ENOX1: variants seen among roughly 807,000 people sequenced by gnomAD.
ENOX1 encodes the protein candidate growth-related and time keeping constitutive hydroquinone (NADH) oxidase.
ENOX1 carries 42 observed loss-of-function variants against 82.5 expected under a neutral mutation model. That is an observed-to-expected ratio of 0.51 (90% confidence interval 0.40 to 0.66). ENOX1 has a LOEUF of 0.66. ENOX1 is among the 30% of genes least tolerant of loss of function. The probability of loss-of-function intolerance (pLI) is 0.00; values close to 1 mark genes in which losing one functional copy is unlikely to be tolerated. For missense variants in ENOX1, 608 were observed against 811.6 expected (o/e 0.75, Z 3.05); for synonymous variants, 271 against 282.2 (o/e 0.96, Z 0.40).
At chr13:43,364,612 T>C (rs2050731988) in intron 5 of ENOX1, among the ~76,000 whole-genome samples, 1 of 152,246 alleles carries the variant, frequency 6.6e-6, no homozygotes, top group Non-Finnish European at 1.5e-5. Context: ...TGGATGAGCA[T>C]TTTTCAGAAG....
rs1299222000 is a variant in ENOX1 at position 43,412,857 on chromosome 13, T to C, written c.58A>G (p.Met20Val). 1 of 1,614,112 alleles carries C rather than the reference T, an allele frequency of 6.2e-7. No homozygotes were observed. ...ITQLPQELPQ[M>V]MAAAADGLGS... ...CACTGGCATTTACCTGCAGCCATCA[T>C]CTGAGGAAGCTCCTGGGGAAGCTGG... Residue 20 changes from methionine (M) to valine (V), a missense_variant, in exon 4 of 17, where the codon ATG (methionine) becomes GTG (valine). Transcript: ENST00000690772.
chr13:43,300,867 T>A (rs764889659), intron 11 of ENOX1, among the ~76,000 whole-genome samples: 3 of 148,254 alleles, frequency 2.0e-5, no homozygotes, highest in Non-Finnish European at 2.9e-5. Context: ...TTTTACAGTT[T>A]TCAGAGACCT....
At chr13:43,474,023 T>C (rs917805905) in intron 3 of ENOX1, among the ~76,000 whole-genome samples, 1 of 152,140 alleles carries the variant, frequency 6.6e-6, no homozygotes, top group Non-Finnish European at 1.5e-5. Context: ...GTCAAAAAAG[T>C]ATATTAGGAC....
intron 11 of ENOX1, among the ~76,000 whole-genome samples, chr13:43,302,987 T>C (rs2046665834): frequency 2.0e-5 from 3 of 152,352 alleles, no homozygotes; most frequent in African/African-American, 7.2e-5. Flanking sequence ...TTTCTAACAA[T>C]ATCTGTGTTT....
intron 5 of ENOX1, among the ~76,000 whole-genome samples, chr13:43,405,073 T>C (rs1013564043): frequency 6.7e-6 from 1 of 148,866 alleles, no homozygotes; most frequent in African/African-American, 2.6e-5. Flanking sequence ...GGTATAAGTA[T>C]GATTTTCATT....
At chr13:43,217,788 T>C (rs969530103) in intron 16 of ENOX1, among the ~76,000 whole-genome samples, 2 of 152,200 alleles carry the variant, frequency 1.3e-5, no homozygotes, top group African/African-American at 4.8e-5. Flanking sequence ...AGGACTTGGT[T>C]TGTGTGCTGG....
chr13:43,722,315 T>G (rs1042363285), intron 1 of ENOX1, among the ~76,000 whole-genome samples: 17 of 152,202 alleles, frequency 1.1e-4, no homozygotes, highest in Admixed American at 3.9e-4. Flanking sequence ...AGAGAGGATC[T>G]AAGAGGAATA....
chr13:43,500,822 G>A (rs1223847240), intron 2 of ENOX1, among the ~76,000 whole-genome samples: 1 of 151,786 alleles, frequency 6.6e-6, no homozygotes, highest in East Asian at 1.9e-4. Flanking sequence ...CAATAACTGT[G>A]TAATAAACAT....
At chr13:43,591,085 T>G (rs907178083) in intron 2 of ENOX1, among the ~76,000 whole-genome samples, 1 of 152,220 alleles carries the variant, frequency 6.6e-6, no homozygotes, top group Non-Finnish European at 1.5e-5. Flanking sequence ...TAGCACTGTA[T>G]TTGAAGATAC....
chr13:43,234,782 A>G (rs1037676290), intron 15 of ENOX1, among the ~76,000 whole-genome samples: 1 of 152,248 alleles, frequency 6.6e-6, no homozygotes, highest in Admixed American at 6.5e-5. Flanking sequence ...CACATCATTT[A>G]AAAATATTTG....
intron 2 of ENOX1, among the ~76,000 whole-genome samples, chr13:43,616,665 T>A (rs1270973517): frequency 1.3e-5 from 2 of 152,114 alleles, no homozygotes; most frequent in Non-Finnish European, 1.5e-5. Context: ...GGTTCATATC[T>A]TACTCTTCTT....
intron 3 of ENOX1, among the ~76,000 whole-genome samples, chr13:43,430,193 A>G (rs2153613132): frequency 6.6e-6 from 1 of 152,340 alleles, no homozygotes; most frequent in East Asian, 1.9e-4. Context: ...AAGAAGTGTG[A>G]GAACTAGGAT....
chr13:43,776,248 T>C (rs141133829), intron 1 of ENOX1, among the ~76,000 whole-genome samples: 35 of 152,088 alleles, frequency 2.3e-4, no homozygotes, highest in Middle Eastern at 3.4e-3. Context: ...TGTTAGCAAA[T>C]GAGGGTTTGA....
chr13:43,745,024 T>C (rs1471484372), intron 1 of ENOX1, among the ~76,000 whole-genome samples: 1 of 152,222 alleles, frequency 6.6e-6, no homozygotes, highest in East Asian at 1.9e-4. Context: ...ATGATGATCA[T>C]TTATTTATTG....
Position 43,326,440 on chromosome 13 carries a change from G to T in ENOX1, c.1122C>A (p.Asp374Glu). 1.2e-6 allele frequency: 2 copies of T among 1,614,110 alleles called. No individual in the cohort carries two copies. Among genetic ancestry groups the T allele is most frequent in the Non-Finnish European group, 1.7e-6 (2 of 1,179,954 alleles). Residue 374 changes from aspartate to glutamate, a missense_variant, in exon 10 of 17, where the codon GAC (aspartate) becomes GAA (glutamate). By Grantham distance (45) the Asp-to-Glu change is conservative (BLOSUM62 2). Transcript: ENST00000690772. ...HFSKAQRKNI[D>E]IWRKHSEELR... is the part of the protein sequence containing the mutation. ...CAACCTCAGAATGCTTTCGCCAAAT[G>T]TCTATGTTCTTGCGCTGGGCTTTCG...
chr13:43,505,553 C>A (rs2077124303), intron 2 of ENOX1, among the ~76,000 whole-genome samples: 1 of 151,980 alleles, frequency 6.6e-6, no homozygotes, highest in Admixed American at 6.6e-5. Context: ...ACAAAAATAA[C>A]CCTTGAGAAG....
chr13:43,333,874 C>T (rs1047404638), intron 9 of ENOX1, among the ~76,000 whole-genome samples: 3 of 152,240 alleles, frequency 2.0e-5, no homozygotes, highest in African/African-American at 7.2e-5. Context: ...TCACCCGCCT[C>T]GGCCTCGCAA....
chr13:43,342,556 C>A (rs1176868239), intron 9 of ENOX1, among the ~76,000 whole-genome samples: 1 of 152,118 alleles, frequency 6.6e-6, no homozygotes, highest in Non-Finnish European at 1.5e-5. Context: ...TCCTGCCCCA[C>A]CCCTTCATTC....
chr13:43,387,279 TTTGA>T (rs1219218012), intron 5 of ENOX1, among the ~76,000 whole-genome samples: 1 of 151,968 alleles, frequency 6.6e-6, no homozygotes, highest in African/African-American at 2.4e-5. Context: ...GAGGAAGCCG[TTTGA>T]TTGGTTAAGA....
Sources: allele counts gnomAD v4.1 joint callset (sites outside exome capture counted in the v4.1 genomes callset), GRCh38; gene constraint gnomAD v4.1.1; transcripts MANE v1.5; gene names NCBI Gene and HGNC (gene_info 2026-07-23, HGNC 2026-07-21).